TERT: variants seen among roughly 807,000 people sequenced by gnomAD.
TERT encodes the protein telomerase catalytic subunit.
In TERT, 42 loss-of-function variants were observed where a neutral mutation model predicts 104.0. The observed-to-expected ratio is 0.40, with a 90% CI of 0.32 to 0.52. The LOEUF is 0.52. Ranked by LOEUF, TERT falls within the 20% of genes least tolerant of loss-of-function variation. The pLI, the probability that TERT is intolerant of heterozygous loss-of-function variation, is 0.43. For missense variants in TERT, 1,101 were observed against 1,610.3 expected (o/e 0.68, Z 5.41); for synonymous variants, 781 against 725.6 (o/e 1.08, Z -1.23).
In TERT at chr5:1,266,455, G is replaced by A. The variant is rs1060504793; in HGVS notation, c.2654+9C>T. 3.1e-6 allele frequency: 5 copies of A among 1,604,264 alleles called. No homozygotes were observed. The highest frequency in any genetic ancestry group is 2.2e-5 in the East Asian group (1 of 44,670). On this transcript the variant is annotated intron_variant, in intron 10 of 15. Transcript: ENST00000310581. ...GGAGGTCCCCACAGACACACGGCAC[G>A]GGCCTCACCTGAGGAAGGTTTTCGC...
In TERT at chr5:1,254,391, G is replaced by C. The variant is rs1217591907; in HGVS notation, c.3272C>G (p.Pro1091Arg). ...GCCTGTCCTGAGTGACCCCAGGAGTGGCACGTAGGTGACACGGTGTCGAGT... is the reference window on the plus strand; with the variant it reads ...GCCTGTCCTGAGTGACCCCAGGAGTCGCACGTAGGTGACACGGTGTCGAGT... ...KLTRHRVTYV[P>R]LLGSLRTAQT... The change falls in exon 15 of 16, where the codon CCA becomes CGA. Residue 1091 changes from proline (P) to arginine (R), a missense_variant. Pro to Arg is a moderately radical substitution (Grantham distance 103). Coordinates refer to ENST00000310581, the MANE Select transcript of TERT (RefSeq NM_198253.3). The C allele has an allele frequency of 1.2e-6, 2 of 1,613,242 alleles. No individual in the cohort carries two copies. The highest frequency in any genetic ancestry group is 1.7e-6 in the Non-Finnish European group (2 of 1,179,928).
rs536709310 is a variant in TERT at position 1,265,191 on chromosome 5, C to T, written c.2655-599G>A. ...AGCCTCGCTCACCCAGCTCAGGGAGCCCCCCTGTGCCCGGTAGCCTCTGCT... is the reference window on the plus strand; with the variant it reads ...AGCCTCGCTCACCCAGCTCAGGGAGTCCCCCTGTGCCCGGTAGCCTCTGCT... On this transcript the variant is annotated intron_variant, in intron 10 of 15. Transcript: ENST00000310581. The surrounding 1 kb of genome is among the most constrained non-coding windows in gnomAD (Gnocchi z 6.9). 2.6e-5 allele frequency among the ~76,000 whole-genome samples: 4 copies of T among 152,264 alleles called. No homozygotes were observed. The highest frequency in any genetic ancestry group is 2.1e-4 in the South Asian group (1 of 4,830).
chr5:1,291,265 A>G (rs1460748578), intron 2 of TERT, among the ~76,000 whole-genome samples: 4 of 89,942 alleles, frequency 4.4e-5, no homozygotes, highest in Admixed American at 1.1e-4. Context: ...ACACCCGGGG[A>G]CAGCGCCTCA....
rs199765802 is a variant in TERT at position 1,260,612 on chromosome 5, G to T, written c.2844-12C>A. ...AGGTCCGGGCATAGCTGAGACACAG[G>T]GGGGAATGTCAGACACAGGTGCCTG... On this transcript the variant is annotated splice_polypyrimidine_tract_variant and intron_variant, in intron 11 of 15. Transcript: ENST00000310581. 82 of 1,613,672 alleles carry T rather than the reference G, an allele frequency of 5.1e-5. No individual in the cohort carries two copies. Among genetic ancestry groups the T allele is most frequent in the East Asian group, 1.6e-4 (7 of 44,858 alleles).
intron 12 of TERT, among the ~76,000 whole-genome samples, chr5:1,259,380 GGA>G (rs1331277220): frequency 7.5e-6 from 1 of 132,996 alleles, no homozygotes; most frequent in Non-Finnish European, 1.6e-5. Context: ...GATGCCCACA[GGA>G]GAGGGAGTGG....
rs1748542212 is a variant in TERT at position 1,265,678 on chromosome 5, G to T, written c.2654+786C>A. Among the ~76,000 whole-genome samples, 1 of 152,092 alleles carries T rather than the reference G, an allele frequency of 6.6e-6. No individual in the cohort carries two copies. The highest frequency in any genetic ancestry group is 6.5e-5 in the Admixed American group (1 of 15,282). On this transcript the variant is annotated intron_variant, in intron 10 of 15. Coordinates refer to ENST00000310581, the MANE Select transcript of TERT (RefSeq NM_198253.3). This position sits in a 1 kb window ranked among gnomAD's most constrained non-coding sequence, Gnocchi z 6.9. ...GTGGACCTGGAGGGTGGACTTGGAG[G>T]GCGGGTCCAAATGGGTTTTCACAAA...
Position 1,255,523 on chromosome 5 carries a change from G to T in TERT, c.3033-112C>A. 2.2e-6 allele frequency: 3 copies of T among 1,391,888 alleles called. No individual in the cohort carries two copies. The highest frequency in any genetic ancestry group is 1.2e-5 in the South Asian group (1 of 84,490). The allele number at this position is 1,391,888 out of a possible 1,614,324, so 86.2% of individuals were successfully genotyped here. ...GTGCGTGCATGAATGCACATGCATG[G>T]GTTTCCTCATGGGCACAGGTGCACA... On this transcript the variant is annotated intron_variant, in intron 13 of 15. Coordinates refer to ENST00000310581, the MANE Select transcript of TERT (RefSeq NM_198253.3). This position sits in a 1 kb window ranked among gnomAD's most constrained non-coding sequence, Gnocchi z 6.9.
In TERT at chr5:1,255,182, C is replaced by A. The variant is rs113604559; in HGVS notation, c.3157+105G>T. 4.3e-5 allele frequency: 63 copies of A among 1,468,544 alleles called. No individual in the cohort carries two copies. Among genetic ancestry groups the A allele is most frequent in the Middle Eastern group, 2.3e-4 (1 of 4,300 alleles). The allele number at this position is 1,468,544 out of a possible 1,614,324, so 91.0% of individuals were successfully genotyped here. On this transcript the variant is annotated intron_variant, in intron 14 of 15. Transcript: ENST00000310581. The surrounding 1 kb of genome is among the most constrained non-coding windows in gnomAD (Gnocchi z 6.9). The stretch of plus-strand genomic sequence containing the variant: ...GGTTGGGTTAAACCACTTCCTGATG[C>A]GAAAAGGGGTAAGAACTTCCTAAGC...
At chr5:1,266,333 G>A (rs1038674003) in intron 10 of TERT, 131 bp downstream of exon 10, 209 of 909,844 alleles carry the variant, frequency 2.3e-4, no homozygotes, top group Non-Finnish European at 3.3e-4. Context: ...CTGCTCTTGC[G>A]GATCCAGCAC....
chr5:1,255,425 G>A lies in TERT; in HGVS notation c.3033-14C>T, dbSNP rs375275274. On this transcript the variant is annotated splice_polypyrimidine_tract_variant and intron_variant, in intron 13 of 15. Transcript: ENST00000310581. This position sits in a 1 kb window ranked among gnomAD's most constrained non-coding sequence, Gnocchi z 6.9. ...CATGCGTGAAACCTGAGAGGATGGC[G>A]GACAGCGTCAGAGGAAAGGCCTCCT... is the stretch of plus-strand genomic sequence containing the variant. 131 of 1,613,914 alleles carry A rather than the reference G, an allele frequency of 8.1e-5. No homozygotes were observed. Among genetic ancestry groups the A allele is most frequent in the Non-Finnish European group, 1.0e-4 (121 of 1,179,998 alleles).
At chr5:1,259,449 C>T (rs373174099) in intron 12 of TERT, among the ~76,000 whole-genome samples, 51 of 75,196 alleles carry the variant, frequency 6.8e-4, no homozygotes, top group South Asian at 2.8e-3. Context: ...AGAGAGGGAG[C>T]GGACGCAGAT....
chr5:1,282,989 T>C (rs35888851), intron 2 of TERT: 183,819 of 301,624 alleles, frequency 0.61, 48,123 homozygotes, highest in Admixed American at 0.69. Flanking sequence ...GCGACCTCAC[T>C]CCGGACCTGC....
Position 1,265,484 on chromosome 5 carries a change from G to A in TERT, c.2655-892C>T, listed in dbSNP as rs957031958. ...TTGCCACACAGAAGCAGCGTTCCCC[G>A]TCTGCTCTGTCCCCTCAGCAGCCTC... is the stretch of plus-strand genomic sequence containing the variant. On this transcript the variant is annotated intron_variant, in intron 10 of 15. Transcript: ENST00000310581. The surrounding 1 kb of genome is among the most constrained non-coding windows in gnomAD (Gnocchi z 6.9). Among the ~76,000 whole-genome samples, 6 of 152,096 alleles carry A rather than the reference G, an allele frequency of 3.9e-5. No homozygotes were observed. Among genetic ancestry groups the A allele is most frequent in the Non-Finnish European group, 7.4e-5 (5 of 68,008 alleles).
At chr5:1,293,215 T>A (rs1751101965) in intron 2 of TERT, 98 bp downstream of exon 2, 1 of 1,494,358 alleles carries the variant, frequency 6.7e-7, no homozygotes, top group Non-Finnish European at 9.2e-7. Flanking sequence ...CACGTGACGA[T>A]GGAGACAGGA....
Position 1,292,751 on chromosome 5 carries a change from G to T in TERT, c.1573+562C>A, listed in dbSNP as rs756025278. 6.6e-6 allele frequency among the ~76,000 whole-genome samples: 1 copy of T among 152,188 alleles called. No homozygotes were observed. Among genetic ancestry groups the T allele is most frequent in the African/African-American group, 2.4e-5 (1 of 41,442 alleles). ...TGGTCTCAAACTCCTGACCTCAGGT[G>T]ATCCACCTGCCTCAGCTTCCCAAAG... On this transcript the variant is annotated intron_variant, in intron 2 of 15. Coordinates refer to ENST00000310581, the MANE Select transcript of TERT (RefSeq NM_198253.3). The surrounding 1 kb of genome is among the most constrained non-coding windows in gnomAD (Gnocchi z 5.5).
At chr5:1,279,002 G>T (rs1202321444) in intron 5 of TERT, among the ~76,000 whole-genome samples, 4 of 152,256 alleles carry the variant, frequency 2.6e-5, no homozygotes. Flanking sequence ...AGGCACCGGG[G>T]CCTGGTGGCT....
intron 6 of TERT, among the ~76,000 whole-genome samples, chr5:1,275,985 ACCAACTCCACAGATCC>A: frequency 7.1e-6 from 1 of 140,368 alleles, no homozygotes; most frequent in Admixed American, 7.2e-5. Flanking sequence ...ACACATAAAA[ACCAACTCCACAGATCC>A]CCACCTACCC....
In TERT at chr5:1,255,823, G is replaced by C. The variant is rs1389489770; in HGVS notation, c.3033-412C>G. On this transcript the variant is annotated intron_variant, in intron 13 of 15. Coordinates refer to ENST00000310581, the MANE Select transcript of TERT (RefSeq NM_198253.3). This position sits in a 1 kb window ranked among gnomAD's most constrained non-coding sequence, Gnocchi z 6.9. ...CTGCCCTTCGTCAGACAACCTTGATGTCATCGTATATCAACGTCCTGCGCA... is the reference window on the plus strand; with the variant it reads ...CTGCCCTTCGTCAGACAACCTTGATCTCATCGTATATCAACGTCCTGCGCA... Among the ~76,000 whole-genome samples, 2 of 152,104 alleles carry C rather than the reference G, an allele frequency of 1.3e-5. No individual in the cohort carries two copies. The highest frequency in any genetic ancestry group is 2.9e-5 in the Non-Finnish European group (2 of 68,030).
intron 6 of TERT, 24 bp from the exon 7 acceptor site, chr5:1,272,304 A>G: frequency 6.3e-7 from 1 of 1,596,406 alleles, no homozygotes; most frequent in Non-Finnish European, 8.6e-7. Context: ...AGAGGGCATG[A>G]GCCACAAATG....
Sources: gnomAD v4.1 joint callset for allele counts (sites outside exome capture counted in the v4.1 genomes callset) on GRCh38, gnomAD v4.1.1 for gene constraint, Gnocchi (gnomAD v3.1) non-coding constraint, MANE v1.5 for transcripts, NCBI Gene and HGNC (gene_info 2026-07-23, HGNC 2026-07-21) for gene names.